SUCLG2: variants seen among roughly 807,000 people sequenced by gnomAD.
SUCLG2 encodes succinate--CoA ligase [GDP-forming] subunit beta, mitochondrial.
In SUCLG2, 42 loss-of-function variants were observed where a neutral mutation model predicts 47.9. The observed-to-expected ratio is 0.88, with a 90% CI of 0.69 to 1.14. The LOEUF (loss-of-function observed/expected upper bound fraction) is 1.14. Among genes scored for constraint, SUCLG2 ranks in the 50% most tolerant of loss-of-function variants. The pLI is 0.00. For synonymous variants in SUCLG2, 195 were observed against 197.3 expected, an observed-to-expected ratio of 0.99 and a Z score of 0.10; for missense variants, 571 against 525.9, an observed-to-expected ratio of 1.09 and a Z score of -0.84.
rs144720115 is a variant in SUCLG2 at position 67,530,605 on chromosome 3, G to C, written c.227-1419C>G. ...AGAAGTATTTTACAGAAGGCATTCA[G>C]CCAGCTGATGTCACACCATTGAGGC... On this transcript the variant is annotated intron_variant, in intron 2 of 10. Coordinates refer to ENST00000307227, the MANE Select transcript of SUCLG2 (RefSeq NM_003848.4). Among the ~76,000 whole-genome samples the C allele has an allele frequency of 4.4e-3, 670 of 152,324 alleles. 8 individuals carry two copies. The East Asian group carries it at 0.054, about 12-fold the overall frequency.
At chr3:67,635,447 G>A (rs930965064) in intron 1 of SUCLG2, among the ~76,000 whole-genome samples, 1 of 152,176 alleles carries the variant, frequency 6.6e-6, no homozygotes, top group African/African-American at 2.4e-5. Flanking sequence ...AGTGATTCAT[G>A]GGTGACACAT....
intron 9 of SUCLG2, among the ~76,000 whole-genome samples, chr3:67,484,405 T>C (rs1340521714): frequency 2.6e-5 from 4 of 152,234 alleles, no homozygotes; most frequent in Non-Finnish European, 1.5e-5. Flanking sequence ...AGATGACTTA[T>C]ATGGAAATAA....
intron 10 of SUCLG2, among the ~76,000 whole-genome samples, chr3:67,397,442 C>T (rs1347642098): frequency 6.6e-6 from 1 of 152,078 alleles, no homozygotes; most frequent in Non-Finnish European, 1.5e-5. Flanking sequence ...GAATAAAATA[C>T]CTAGGAATCC....
intron 2 of SUCLG2, among the ~76,000 whole-genome samples, chr3:67,601,420 T>C (rs966014888): frequency 6.6e-6 from 1 of 152,222 alleles, no homozygotes; most frequent in Non-Finnish European, 1.5e-5. Context: ...TAATTATGTT[T>C]AAGATTTCTT....
intron 9 of SUCLG2, among the ~76,000 whole-genome samples, chr3:67,478,315 G>C (rs9818109): frequency 0.77 from 117,104 of 152,156 alleles, 45,309 homozygotes; most frequent in Admixed American, 0.85. Flanking sequence ...TGGATTAACT[G>C]CATCGTACAG....
At chr3:67,458,327 C>T (rs916053989) in intron 9 of SUCLG2, among the ~76,000 whole-genome samples, 22 of 152,172 alleles carry the variant, frequency 1.4e-4, no homozygotes, top group South Asian at 2.1e-4. Flanking sequence ...CTCACAACAA[C>T]CCTAAGAAAT....
intron 1 of SUCLG2, among the ~76,000 whole-genome samples, chr3:67,631,265 G>A (rs1043302114): frequency 9.9e-5 from 15 of 152,184 alleles, no homozygotes; most frequent in Non-Finnish European, 2.1e-4. Context: ...AGGAAAAGAT[G>A]ACCCTCTTGT....
intron 1 of SUCLG2, among the ~76,000 whole-genome samples, chr3:67,651,571 C>T (rs1001458863): frequency 3.1e-4 from 47 of 152,114 alleles, no homozygotes; most frequent in African/African-American, 7.2e-4. Flanking sequence ...ACAAAACCAG[C>T]GTTATAAGTC....
intron 1 of SUCLG2, among the ~76,000 whole-genome samples, chr3:67,642,927 T>TGC (rs1190715963): frequency 1.3e-5 from 2 of 151,280 alleles, no homozygotes; most frequent in African/African-American, 4.9e-5. Context: ...TCTGTGTGTG[T>TGC]GTGTGTGTGT....
intron 9 of SUCLG2, among the ~76,000 whole-genome samples, chr3:67,405,790 T>C (rs781175606): frequency 6.6e-6 from 1 of 152,208 alleles, no homozygotes; most frequent in Non-Finnish European, 1.5e-5. Flanking sequence ...AGTTGATATA[T>C]GAATAGCTAT....
At chr3:67,391,372 A>G (rs1275894645) in intron 10 of SUCLG2, among the ~76,000 whole-genome samples, 1 of 152,122 alleles carries the variant, frequency 6.6e-6, no homozygotes, top group Non-Finnish European at 1.5e-5. Context: ...GTATGCTAAG[A>G]AGGACACAAT....
intron 1 of SUCLG2, among the ~76,000 whole-genome samples, chr3:67,642,441 C>T (rs1229583620): frequency 6.6e-6 from 1 of 151,230 alleles, no homozygotes; most frequent in Admixed American, 6.6e-5. Flanking sequence ...CTTGTCTCTA[C>T]AAAATTTAAA....
chr3:67,518,477 C>G, intron 5 of SUCLG2, 141 bp from the exon 6 acceptor site: 1 of 698,462 alleles, frequency 1.4e-6, no homozygotes, highest in Non-Finnish European at 2.3e-6. Flanking sequence ...GCAGGGCTAC[C>G]GCAGATGCCT....
At chr3:67,553,721 T>C (rs993924571) in intron 2 of SUCLG2, among the ~76,000 whole-genome samples, 2 of 152,194 alleles carry the variant, frequency 1.3e-5, no homozygotes, top group Non-Finnish European at 2.9e-5. Flanking sequence ...AGATTCCATA[T>C]ACTTTAAAAG....
chr3:67,392,646 G>T (rs921881180), intron 10 of SUCLG2, among the ~76,000 whole-genome samples: 1 of 152,220 alleles, frequency 6.6e-6, no homozygotes, highest in African/African-American at 2.4e-5. Context: ...AGGGGCAGAG[G>T]GGTGCTCCTT....
chr3:67,538,609 G>A (rs1247250092), intron 2 of SUCLG2, among the ~76,000 whole-genome samples: 1 of 152,180 alleles, frequency 6.6e-6, no homozygotes, highest in Non-Finnish European at 1.5e-5. Flanking sequence ...GTCAATGGTA[G>A]CTTCATGGGG....
intron 7 of SUCLG2, among the ~76,000 whole-genome samples, chr3:67,499,564 C>A (rs1252591606): frequency 3.3e-5 from 5 of 152,070 alleles, no homozygotes; most frequent in African/African-American, 1.2e-4. Context: ...AGGGCACTTT[C>A]CTTGATTTAC....
intron 9 of SUCLG2, among the ~76,000 whole-genome samples, chr3:67,410,226 T>G (rs1702904793): frequency 6.6e-6 from 1 of 152,248 alleles, no homozygotes; most frequent in South Asian, 2.1e-4. Flanking sequence ...ATTATTTAGG[T>G]CAAAGTTATA....
chr3:67,548,566 G>A lies in SUCLG2; in HGVS notation c.227-19380C>T, dbSNP rs116644788. Among the ~76,000 whole-genome samples, 427 of 152,210 alleles carry A rather than the reference G, an allele frequency of 2.8e-3. 2 individuals carry two copies. The highest frequency in any genetic ancestry group is 9.6e-3 in the African/African-American group (397 of 41,522). ...GAACCAAATAAGGTACAGTTCCTTT[G>A]GGGAAGAGGTAAAATTTAATTTCAG... On this transcript the variant is annotated intron_variant, in intron 2 of 10. Coordinates refer to ENST00000307227, the MANE Select transcript of SUCLG2 (RefSeq NM_003848.4).
Sources: allele counts gnomAD v4.1 joint callset (sites outside exome capture counted in the v4.1 genomes callset), GRCh38; gene constraint gnomAD v4.1.1; transcripts MANE v1.5; gene names NCBI Gene and HGNC (gene_info 2026-07-23, HGNC 2026-07-21).